NRP1: variants seen among roughly 807,000 people sequenced by gnomAD.
NRP1 encodes neuropilin 1, also known as neuropilin-1.
A neutral mutation model predicts 106.7 loss-of-function variants in NRP1; 35 were observed. The ratio of observed to expected loss-of-function variants is 0.33; its 90% confidence interval spans 0.25 to 0.43. The LOEUF is 0.43. Ranked by LOEUF, NRP1 falls within the 20% of genes least tolerant of loss-of-function variation. NRP1 has a pLI of 1.00. For synonymous variants in NRP1, 437 were observed against 417.9 expected, an observed-to-expected ratio of 1.05 and a Z score of -0.56; for missense variants, 1,024 against 1,170.4, an observed-to-expected ratio of 0.87 and a Z score of 1.83.
At chr10:33,214,816 G>T (rs1196420898) in intron 8 of NRP1, among the ~76,000 whole-genome samples, 1 of 152,200 alleles carries the variant, frequency 6.6e-6, no homozygotes, top group East Asian at 1.9e-4. Context: ...GGGGGAAATG[G>T]AGATTGGGAG....
At chr10:33,284,510 A>C (rs540352485) in intron 2 of NRP1, among the ~76,000 whole-genome samples, 103 of 152,322 alleles carry the variant, frequency 6.8e-4, no homozygotes, top group Non-Finnish European at 1.4e-3. Flanking sequence ...TATTAAAAAC[A>C]TTACAGGTTC....
intron 6 of NRP1, among the ~76,000 whole-genome samples, chr10:33,251,032 T>C (rs1331726172): frequency 6.6e-6 from 1 of 152,104 alleles, no homozygotes; most frequent in African/African-American, 2.4e-5. Flanking sequence ...ATGGTCAGGC[T>C]TTGTGTCCCC....
chr10:33,216,394 A>C (rs972139572), intron 8 of NRP1, among the ~76,000 whole-genome samples: 1 of 151,754 alleles, frequency 6.6e-6, no homozygotes, highest in Non-Finnish European at 1.5e-5. Flanking sequence ...TCGGCCTCCC[A>C]AAGTGCTGGG....
At chr10:33,280,123 A>G (rs1030776074) in intron 2 of NRP1, among the ~76,000 whole-genome samples, 1 of 152,242 alleles carries the variant, frequency 6.6e-6, no homozygotes, top group African/African-American at 2.4e-5. Context: ...AAAATATACA[A>G]TGTTAATGGA....
At chr10:33,329,036 C>T (rs1460507238) in intron 2 of NRP1, among the ~76,000 whole-genome samples, 1 of 152,158 alleles carries the variant, frequency 6.6e-6, no homozygotes. Context: ...ATACTAATAA[C>T]TACTGCTACT....
At chr10:33,325,793 C>T (rs4934597) in intron 2 of NRP1, among the ~76,000 whole-genome samples, 17,497 of 152,102 alleles carry the variant, frequency 0.12, 1,235 homozygotes, top group East Asian at 0.28. Context: ...TTCCTTTGAA[C>T]GCACTGAGTT....
chr10:33,275,555 G>A (rs899302359), intron 2 of NRP1, among the ~76,000 whole-genome samples: 14 of 151,626 alleles, frequency 9.2e-5, no homozygotes, highest in South Asian at 2.1e-4. Flanking sequence ...GCAACAGAGC[G>A]AGACTTTGTC....
At chr10:33,269,755 T>G (rs1843167222) in intron 3 of NRP1, among the ~76,000 whole-genome samples, 2 of 152,056 alleles carry the variant, frequency 1.3e-5, no homozygotes, top group Admixed American at 1.3e-4. Context: ...CAGCACTAGA[T>G]TCTCATAGGA....
At chr10:33,181,119 C>G (rs1835658210) in intron 16 of NRP1, among the ~76,000 whole-genome samples, 1 of 152,204 alleles carries the variant, frequency 6.6e-6, no homozygotes, top group Admixed American at 6.5e-5. Flanking sequence ...TGGAGTGGAA[C>G]AGGAGAAATT....
chr10:33,223,935 C>A (rs1034782356), intron 7 of NRP1, among the ~76,000 whole-genome samples: 4 of 152,112 alleles, frequency 2.6e-5, no homozygotes, highest in South Asian at 2.1e-4. Flanking sequence ...TTTCCTCCCA[C>A]TGAGGGAGTT....
rs751505922 is a variant in NRP1, at chr10:33,263,779, A to G, written c.525T>C (p.Tyr175=). 5 of 1,613,624 alleles carry G rather than the reference A, an allele frequency of 3.1e-6. No homozygotes were observed. In the South Asian group the frequency reaches 3.3e-5, roughly 11 times the overall value. The stretch of plus-strand genomic sequence containing the variant: ...CTGACATCTTTGGCACAAAGACAAT[A>G]TAAGTGCATTCAAGGCTGTTGGGAT... The part of the protein sequence containing the change: ...EKYPNSLECT[Y]IVFVPKMSEI... The change falls in exon 4 of 17, where the codon TAT becomes TAC. Residue 175 remains tyrosine, a synonymous_variant. Coordinates refer to ENST00000374867, the MANE Select transcript of NRP1 (RefSeq NM_003873.7).
intron 2 of NRP1, among the ~76,000 whole-genome samples, chr10:33,313,750 A>C (rs1239503680): frequency 6.6e-6 from 1 of 152,156 alleles, no homozygotes; most frequent in East Asian, 1.9e-4. Flanking sequence ...TCACACATGA[A>C]GACCGCACCG....
At position 33,213,571 on chromosome 10, in the gene NRP1, G is replaced by A. The variant is rs776118668; in HGVS notation, c.1429C>T (p.Pro477Ser). The change falls in exon 9 of 17, where the codon CCT becomes TCT. Residue 477 changes from proline to serine, a missense_variant. Physicochemically the swap from Pro to Ser is moderately conservative, Grantham distance 74. Coordinates refer to ENST00000374867, the MANE Select transcript of NRP1 (RefSeq NM_003873.7). Reference protein sequence around the residue: ...SRSGWALPPAPHSYINEWLQI... With the variant: ...SRSGWALPPASHSYINEWLQI... ...AGCCACTCATTGATGTAGGAATGAG[G>A]TGCGGGTGGAAGTGCCCAGCCAGAG... 1 of 1,614,058 alleles carries A rather than the reference G, an allele frequency of 6.2e-7. No individual in the cohort carries two copies. Among genetic ancestry groups the A allele is most frequent in the South Asian group, 1.1e-5 (1 of 91,046 alleles).
chr10:33,186,351 C>T lies in NRP1; in HGVS notation c.2200G>A (p.Gly734Ser), dbSNP rs767902777. 14 of 1,613,908 alleles carry T rather than the reference C, an allele frequency of 8.7e-6. No homozygotes were observed. The highest frequency in any genetic ancestry group is 1.6e-4 in the Middle Eastern group (1 of 6,084). ...TAGCGCAGTTTGACCCTGAGTGTGC[C>T]GACGTGGGACCCAGACATGTGATAC... ...FWYHMSGSHV[G>S]TLRVKLRYQK... The change falls in exon 14 of 17, where the codon GGC (glycine) becomes AGC (serine). Residue 734 changes from glycine (G) to serine (S), a missense_variant. By Grantham distance (56) the Gly-to-Ser change is moderately conservative. Around this residue, in one of 5 missense-constraint regions of NRP1, gnomAD observed 562 missense variants for 620.3 expected, o/e 0.91. Transcript: ENST00000374867.
At chr10:33,216,857 A>G (rs1390220236) in intron 8 of NRP1, among the ~76,000 whole-genome samples, 1 of 152,088 alleles carries the variant, frequency 6.6e-6, no homozygotes, top group Admixed American at 6.6e-5. Context: ...ATGACTCTTC[A>G]TGCCCTGTTT....
intron 2 of NRP1, among the ~76,000 whole-genome samples, chr10:33,292,985 C>CAAA (rs141085175): frequency 2.2e-5 from 3 of 137,318 alleles, no homozygotes; most frequent in Non-Finnish European, 1.6e-5. Flanking sequence ...GACTCCATCT[C>CAAA]AAAAAAAAAA....
intron 2 of NRP1, among the ~76,000 whole-genome samples, chr10:33,322,860 A>G (rs912681457): frequency 2.6e-5 from 4 of 152,242 alleles, no homozygotes; most frequent in Non-Finnish European, 5.9e-5. Context: ...AGAAAAAATA[A>G]GCTGGTAACG....
intron 2 of NRP1, among the ~76,000 whole-genome samples, chr10:33,307,472 T>A (rs1007172460): frequency 6.6e-6 from 1 of 152,154 alleles, no homozygotes; most frequent in Admixed American, 6.5e-5. Flanking sequence ...ATTTAAAATA[T>A]CAATTTGTGC....
chr10:33,330,558 T>C, intron 2 of NRP1, 150 bp downstream of exon 2: 2 of 565,522 alleles, frequency 3.5e-6, no homozygotes, highest in Non-Finnish European at 5.6e-6. Context: ...GTACTTCAAT[T>C]TCCATACCAT....
Sources: gnomAD v4.1 joint callset for allele counts (sites outside exome capture counted in the v4.1 genomes callset) on GRCh38, gnomAD v4.1.1 for gene constraint, gnomAD v4.1.1 regional missense constraint, MANE v1.5 for transcripts, NCBI Gene and HGNC (gene_info 2026-07-23, HGNC 2026-07-21) for gene names.